The following KRABD5 variants were observed in gnomAD, a reference collection of about 807,000 sequenced individuals.
KRABD5 encodes KRAB domain containing 5.
chr16:31,719,301 T>G, the KRABD5 span, among the ~76,000 whole-genome samples: 2 of 152,236 alleles, frequency 1.3e-5, no homozygotes, highest in Non-Finnish European at 2.9e-5. Context: ...GTTGTTATTA[T>G]TATTTCTATT....
chr16:31,719,970 A>G, the KRABD5 span, among the ~76,000 whole-genome samples: 2 of 152,308 alleles, frequency 1.3e-5, no homozygotes, highest in South Asian at 4.1e-4. Context: ...GTTAGCTTTT[A>G]TAGTGACAGG....
the KRABD5 span, among the ~76,000 whole-genome samples, chr16:31,723,555 T>C: frequency 3.3e-5 from 5 of 152,214 alleles, no homozygotes; most frequent in Non-Finnish European, 7.3e-5. Flanking sequence ...CTCCTTACCC[T>C]TCTGTGATCC....
chr16:31,739,891 A>G, the KRABD5 span, among the ~76,000 whole-genome samples: 1 of 152,270 alleles, frequency 6.6e-6, no homozygotes, highest in East Asian at 1.9e-4. Context: ...AACCACAAAC[A>G]GTAGCATGAG....
chr16:31,719,765 A>G, the KRABD5 span, among the ~76,000 whole-genome samples: 1 of 152,214 alleles, frequency 6.6e-6, no homozygotes, highest in Non-Finnish European at 1.5e-5. Flanking sequence ...AGCAAAGGAC[A>G]ATATGGGGGC....
chr16:31,722,901 AG>A, the KRABD5 span: 1 of 928,380 alleles, frequency 1.1e-6, no homozygotes, highest in Non-Finnish European at 1.5e-6. Context: ...GGTTTGTTGT[AG>A]AAAAGACTTC....
chr16:31,722,667 G>A, the KRABD5 span: 1 of 1,613,280 alleles, frequency 6.2e-7, no homozygotes, highest in Non-Finnish European at 8.5e-7. Context: ...AATTCTCTCG[G>A]GAGGAGTGGG....
the KRABD5 span, chr16:31,754,884 G>A: frequency 2.2e-6 from 1 of 460,764 alleles, no homozygotes; most frequent in South Asian, 1.6e-5. Context: ...CCATACAAAT[G>A]TAAAGAATGT....
the KRABD5 span, among the ~76,000 whole-genome samples, chr16:31,746,325 C>A: frequency 2.1e-4 from 32 of 152,254 alleles, no homozygotes; most frequent in Middle Eastern, 6.8e-3. Flanking sequence ...AATGAAATCC[C>A]TCAGCATTTG....
chr16:31,728,839 T>C, the KRABD5 span, among the ~76,000 whole-genome samples: 1 of 152,212 alleles, frequency 6.6e-6, no homozygotes, highest in Non-Finnish European at 1.5e-5. Flanking sequence ...GCTTTCTTAA[T>C]TTTGTGCCTG....
chr16:31,758,817 GTATC>G, the KRABD5 span: 1 of 151,144 alleles, frequency 6.6e-6, no homozygotes, highest in East Asian at 1.9e-4. Context: ...CATATTTTAA[GTATC>G]TACCATCTAA....
the KRABD5 span, among the ~76,000 whole-genome samples, chr16:31,733,067 T>C: frequency 6.6e-6 from 1 of 152,160 alleles, no homozygotes; most frequent in Non-Finnish European, 1.5e-5. Flanking sequence ...AACCTTGATA[T>C]TATGAATTGG....
the KRABD5 span, chr16:31,756,549 A>G: frequency 6.6e-6 from 1 of 152,160 alleles, no homozygotes; most frequent in Non-Finnish European, 1.5e-5. Flanking sequence ...TCAATTTTCC[A>G]GAGAACTTAA....
At chr16:31,755,213 T>C in the KRABD5 span, 1 of 474,518 alleles carries the variant, frequency 2.1e-6, no homozygotes, top group Non-Finnish European at 4.3e-6. Flanking sequence ...AGAAAAACTT[T>C]ACAAATGTAA....
chr16:31,746,974 T>C, the KRABD5 span, among the ~76,000 whole-genome samples: 3 of 151,928 alleles, frequency 2.0e-5, no homozygotes, highest in Non-Finnish European at 4.4e-5. Flanking sequence ...ATCAGGTCAT[T>C]TATGTTTCTG....
the KRABD5 span, chr16:31,753,975 A>C: frequency 1.5e-5 from 22 of 1,511,670 alleles, no homozygotes; most frequent in Non-Finnish European, 2.0e-5. Context: ...CAAAAACCTC[A>C]CTGTTACAGG....
the KRABD5 span, among the ~76,000 whole-genome samples, chr16:31,738,060 T>A: frequency 1.3e-5 from 2 of 152,264 alleles, no homozygotes; most frequent in South Asian, 4.1e-4. Context: ...TAAGAAGTGA[T>A]GCTTTGTGTG....
At chr16:31,759,627 G>A in the KRABD5 span, 3 of 445,616 alleles carry the variant, frequency 6.7e-6, no homozygotes, top group South Asian at 7.7e-5. Context: ...TACATGATTA[G>A]TAGTTGAAGC....
At chr16:31,759,246 T>G in the KRABD5 span, 1 of 1,164,234 alleles carries the variant, frequency 8.6e-7, no homozygotes, top group South Asian at 1.5e-5. Context: ...AAAATACAGC[T>G]CAGGAATATG....
At chr16:31,744,231 G>T in the KRABD5 span, among the ~76,000 whole-genome samples, 1 of 151,970 alleles carries the variant, frequency 6.6e-6, no homozygotes. Flanking sequence ...TCCAGCTTTT[G>T]CTCATTCAAT....
Sources: allele counts gnomAD v4.1 joint callset (sites outside exome capture counted in the v4.1 genomes callset), GRCh38; gene constraint gnomAD v4.1.1; transcripts MANE v1.5; gene names NCBI Gene and HGNC (gene_info 2026-07-23, HGNC 2026-07-21).